SCHIP1: variants seen among roughly 807,000 people sequenced by gnomAD.
The protein encoded by SCHIP1 is schwannomin-interacting protein 1.
Under a neutral mutation model 29.7 loss-of-function variants are expected in SCHIP1, and 8 were observed. The observed-to-expected ratio is 0.27, with a 90% CI of 0.16 to 0.49. The LOEUF (loss-of-function observed/expected upper bound fraction) is 0.49. Ranked by LOEUF, SCHIP1 falls within the 20% of genes least tolerant of loss-of-function variation. SCHIP1 has a pLI of 0.99. For missense variants in SCHIP1, 193 were observed against 294.6 expected (o/e 0.66, Z 2.52); for synonymous variants, 76 against 94.9 (o/e 0.80, Z 1.16).
the SCHIP1 span, among the ~76,000 whole-genome samples, chr3:159,660,910 T>C: frequency 7.2e-3 from 1,101 of 152,274 alleles, 18 homozygotes; most frequent in African/African-American, 0.025. Context: ...TCCATCCATC[T>C]ATCTATCCAT....
the SCHIP1 span, among the ~76,000 whole-genome samples, chr3:159,799,855 T>C: frequency 6.6e-6 from 1 of 152,216 alleles, no homozygotes; most frequent in Non-Finnish European, 1.5e-5. Flanking sequence ...TGCAGCATTT[T>C]AAGTGGAGAA....
At chr3:159,349,054 C>A in the SCHIP1 span, among the ~76,000 whole-genome samples, 5 of 152,254 alleles carry the variant, frequency 3.3e-5, 1 homozygote, top group Middle Eastern at 0.014. Flanking sequence ...TGACAGGTGA[C>A]TGTCATAGAA....
chr3:159,636,021 A>G, the SCHIP1 span, among the ~76,000 whole-genome samples: 1 of 152,124 alleles, frequency 6.6e-6, no homozygotes, highest in Non-Finnish European at 1.5e-5. Context: ...TTTTATTGGC[A>G]GTGTTTTAAT....
the SCHIP1 span, among the ~76,000 whole-genome samples, chr3:159,327,482 G>A: frequency 6.6e-6 from 1 of 152,318 alleles, no homozygotes; most frequent in South Asian, 2.1e-4. Context: ...ACAAGTCACA[G>A]ACCCCAAAAC....
chr3:159,696,680 G>A, the SCHIP1 span, among the ~76,000 whole-genome samples: 36,728 of 152,126 alleles, frequency 0.24, 5,645 homozygotes, highest in African/African-American at 0.43. Context: ...AAGTAACAAT[G>A]ATGGATCATA....
At chr3:159,865,742 G>T (rs975966998) in intron 1 of SCHIP1, among the ~76,000 whole-genome samples, 1 of 152,196 alleles carries the variant, frequency 6.6e-6, no homozygotes, top group Non-Finnish European at 1.5e-5. Flanking sequence ...GAGAAAATGG[G>T]CTGGCTAAAG....
chr3:159,612,581 T>C, the SCHIP1 span, among the ~76,000 whole-genome samples: 1 of 152,218 alleles, frequency 6.6e-6, no homozygotes, highest in East Asian at 1.9e-4. Flanking sequence ...ACTCCGTCTC[T>C]ACTAAAAGTA....
the SCHIP1 span, among the ~76,000 whole-genome samples, chr3:159,554,072 G>T: frequency 1.3e-5 from 2 of 151,406 alleles, no homozygotes; most frequent in African/African-American, 4.9e-5. Context: ...GGGTGCCACC[G>T]TGTTAGCCGG....
At chr3:159,548,788 T>C in the SCHIP1 span, among the ~76,000 whole-genome samples, 1 of 152,150 alleles carries the variant, frequency 6.6e-6, no homozygotes, top group East Asian at 1.9e-4. Context: ...TTAGTCATTA[T>C]GAATATGTTT....
At chr3:159,337,913 C>A in the SCHIP1 span, among the ~76,000 whole-genome samples, 1 of 152,186 alleles carries the variant, frequency 6.6e-6, no homozygotes, top group Non-Finnish European at 1.5e-5. Flanking sequence ...TGTAAATGAG[C>A]TTTCATCTTT....
chr3:159,476,322 G>A, the SCHIP1 span, among the ~76,000 whole-genome samples: 2 of 151,992 alleles, frequency 1.3e-5, no homozygotes, highest in East Asian at 3.9e-4. Flanking sequence ...GATACTAGTG[G>A]GTTGAGTTTA....
chr3:159,584,675 T>A, the SCHIP1 span, among the ~76,000 whole-genome samples: 1 of 152,130 alleles, frequency 6.6e-6, no homozygotes, highest in African/African-American at 2.4e-5. Flanking sequence ...GTTCTCAGTG[T>A]GTGGTCCCCT....
the SCHIP1 span, among the ~76,000 whole-genome samples, chr3:159,426,124 T>C: frequency 6.6e-6 from 1 of 151,368 alleles, no homozygotes; most frequent in African/African-American, 2.4e-5. Flanking sequence ...AACATCACAA[T>C]TAAAAGAACT....
chr3:159,569,505 T>C, the SCHIP1 span, among the ~76,000 whole-genome samples: 3 of 152,188 alleles, frequency 2.0e-5, no homozygotes, highest in Admixed American at 6.5e-5. Context: ...ACTCATCCTT[T>C]TTTATGGCTG....
the SCHIP1 span, among the ~76,000 whole-genome samples, chr3:159,371,633 T>C: frequency 6.6e-6 from 1 of 152,188 alleles, no homozygotes; most frequent in African/African-American, 2.4e-5. Context: ...CTGTTGGGGA[T>C]TGGTTCCTGG....
At chr3:159,717,687 T>C in the SCHIP1 span, among the ~76,000 whole-genome samples, 1 of 152,160 alleles carries the variant, frequency 6.6e-6, no homozygotes, top group Non-Finnish European at 1.5e-5. Context: ...TAGGAAGAAG[T>C]TGAATCCCTG....
chr3:159,662,640 C>T, the SCHIP1 span, among the ~76,000 whole-genome samples: 2 of 152,190 alleles, frequency 1.3e-5, no homozygotes, highest in Non-Finnish European at 2.9e-5. Flanking sequence ...AATATATGCA[C>T]ATTTTAAAAG....
At chr3:159,758,771 G>GTA in the SCHIP1 span, among the ~76,000 whole-genome samples, 69 of 152,296 alleles carry the variant, frequency 4.5e-4, 2 homozygotes, top group East Asian at 0.012. Context: ...GAGACCTGTT[G>GTA]TATAGTTCAC....
chr3:159,408,734 C>T, the SCHIP1 span, among the ~76,000 whole-genome samples: 2 of 152,144 alleles, frequency 1.3e-5, no homozygotes, highest in East Asian at 3.9e-4. Flanking sequence ...ACCAATCCTA[C>T]TCGAACTCTC....
Sources: allele counts gnomAD v4.1 joint callset (sites outside exome capture counted in the v4.1 genomes callset), GRCh38; gene constraint gnomAD v4.1.1; transcripts MANE v1.5; gene names NCBI Gene and HGNC (gene_info 2026-07-23, HGNC 2026-07-21).